TNFRSF10B: variants seen among roughly 807,000 people sequenced by gnomAD.
TNFRSF10B encodes the protein tumor necrosis factor receptor superfamily member 10B.
Under a neutral mutation model 41.4 loss-of-function variants are expected in TNFRSF10B, and 35 were observed. That is an observed-to-expected ratio of 0.85 (90% confidence interval 0.65 to 1.12). The LOEUF is 1.12. Among genes scored for constraint, TNFRSF10B ranks in the 50% most tolerant of loss-of-function variants. The pLI is 0.00. For synonymous variants in TNFRSF10B, 230 were observed against 215.5 expected (o/e 1.07, Z -0.59); for missense variants, 584 against 552.7 (o/e 1.06, Z -0.57).
intron 1 of TNFRSF10B, among the ~76,000 whole-genome samples, chr8:23,057,149 C>G (rs746540918): frequency 2.7e-5 from 4 of 150,734 alleles, no homozygotes; most frequent in Non-Finnish European, 5.9e-5. Context: ...ATGCCATTCT[C>G]CTGCCTCAGC....
Position 23,043,191 on chromosome 8 carries a change from C to T in TNFRSF10B, c.197G>A (p.Arg66Lys). 1 of 1,614,144 alleles carries T rather than the reference C, an allele frequency of 6.2e-7. No individual in the cohort carries two copies. Among genetic ancestry groups the T allele is most frequent in the Non-Finnish European group, 8.5e-7 (1 of 1,180,020 alleles). Residue 66 changes from arginine (R) to lysine (K), a missense_variant, in exon 2 of 9, where the codon AGA (arginine) becomes AAA (lysine). Coordinates refer to ENST00000276431, the MANE Select transcript of TNFRSF10B (RefSeq NM_003842.5). Reference protein sequence around the residue: ...ITQQDLAPQQRAAPQQKRSSP... With the variant: ...ITQQDLAPQQKAAPQQKRSSP... ...GGACCTCTTTTGTTGTGGGGCCGCT[C>T]TCTGCTGGGGAGCTAGGTCTTGTTG...
chr8:23,055,521 T>TTAAAAAAAAAAAAAA (rs1554510887), intron 1 of TNFRSF10B, among the ~76,000 whole-genome samples: 2 of 120,548 alleles, frequency 1.7e-5, no homozygotes, highest in African/African-American at 6.1e-5. Flanking sequence ...ATTAAATGCT[T>TTAAAAAAAAAAAAAA]AAAAAAAAAA....
Position 23,024,318 on chromosome 8 carries a change from T to C in TNFRSF10B, c.937-58A>G, listed in dbSNP as rs564378221. On this transcript the variant is annotated intron_variant, in intron 7 of 8. Coordinates refer to ENST00000276431, the MANE Select transcript of TNFRSF10B (RefSeq NM_003842.5). ...AGCCAGGAGTCCTACAGTCCAGTAC[T>C]GACCCCGACCACCAGCCAGCTCTGA... The C allele has an allele frequency of 5.7e-5, 92 of 1,601,554 alleles. 2 individuals are homozygous for C. The highest frequency in any genetic ancestry group is 6.8e-6 in the Non-Finnish European group (8 of 1,169,208).
chr8:23,031,487 G>A (rs1250230383), intron 2 of TNFRSF10B, among the ~76,000 whole-genome samples: 8 of 151,696 alleles, frequency 5.3e-5, no homozygotes, highest in East Asian at 3.9e-4. Context: ...TCGACCTCCC[G>A]GACCCTCCCT....
chr8:23,045,451 C>A (rs1812331672), intron 1 of TNFRSF10B, among the ~76,000 whole-genome samples: 1 of 152,094 alleles, frequency 6.6e-6, no homozygotes, highest in Non-Finnish European at 1.5e-5. Context: ...GAAAAGTCTC[C>A]TATCAAAGAA....
intron 2 of TNFRSF10B, among the ~76,000 whole-genome samples, chr8:23,041,254 G>A (rs1033502659): frequency 2.0e-5 from 3 of 151,982 alleles, no homozygotes; most frequent in East Asian, 1.9e-4. Flanking sequence ...ACAGGGTTTC[G>A]CCATGTTGGT....
chr8:23,052,063 C>G (rs1445042929), intron 1 of TNFRSF10B, among the ~76,000 whole-genome samples: 2 of 152,032 alleles, frequency 1.3e-5, no homozygotes, highest in African/African-American at 4.8e-5. Flanking sequence ...GGTTTCCTAA[C>G]TTTAATGACA....
At chr8:23,045,102 C>T (rs1812320952) in intron 1 of TNFRSF10B, among the ~76,000 whole-genome samples, 1 of 144,080 alleles carries the variant, frequency 6.9e-6, no homozygotes, top group Non-Finnish European at 1.5e-5. Context: ...TGGAGGTGTG[C>T]ATCTGTAATC....
At chr8:23,043,679 A>T (rs1363915287) in intron 1 of TNFRSF10B, among the ~76,000 whole-genome samples, 1 of 152,182 alleles carries the variant, frequency 6.6e-6, no homozygotes, top group Non-Finnish European at 1.5e-5. Flanking sequence ...AATATAGCAA[A>T]CTTAAAAAAT....
intron 1 of TNFRSF10B, among the ~76,000 whole-genome samples, chr8:23,057,400 G>A (rs1812702040): frequency 6.7e-6 from 1 of 148,174 alleles, no homozygotes; most frequent in African/African-American, 2.5e-5. Flanking sequence ...GCTTAGAACA[G>A]TGTATTATAA....
chr8:23,049,395 C>G (rs1812455304), intron 1 of TNFRSF10B, among the ~76,000 whole-genome samples: 1 of 151,996 alleles, frequency 6.6e-6, no homozygotes, highest in Non-Finnish European at 1.5e-5. Context: ...GAAGAAACTC[C>G]CCAGGCCTCC....
At chr8:23,053,910 C>T (rs916400046) in intron 1 of TNFRSF10B, among the ~76,000 whole-genome samples, 2 of 152,040 alleles carry the variant, frequency 1.3e-5, no homozygotes, top group African/African-American at 4.8e-5. Flanking sequence ...TGGAAGACTC[C>T]TATAATTCTG....
intron 4 of TNFRSF10B, 152 bp downstream of exon 4, chr8:23,029,458 A>AGG (rs1457776077): frequency 2.7e-6 from 2 of 731,168 alleles, no homozygotes; most frequent in Non-Finnish European, 2.4e-6. Context: ...TGCAGGGGGC[A>AGG]GGGGTGGTGA....
At chr8:23,051,592 T>C (rs964851592) in intron 1 of TNFRSF10B, among the ~76,000 whole-genome samples, 1 of 151,930 alleles carries the variant, frequency 6.6e-6, no homozygotes, top group Non-Finnish European at 1.5e-5. Context: ...TCGCCCAGGC[T>C]GGAATGCAGT....
intron 1 of TNFRSF10B, among the ~76,000 whole-genome samples, chr8:23,055,555 C>G (rs1787577296): frequency 1.5e-5 from 2 of 136,690 alleles, no homozygotes; most frequent in African/African-American, 5.4e-5. Flanking sequence ...TGCCCTTATA[C>G]AAAGGCTGGA....
At chr8:23,043,061 G>T (rs1812253157) in intron 2 of TNFRSF10B, 77 bp downstream of exon 2, 4 of 1,373,368 alleles carry the variant, frequency 2.9e-6, no homozygotes, top group Non-Finnish European at 4.1e-6. Flanking sequence ...GAACAAGGAA[G>T]TGCAAAGGAA....
chr8:23,039,424 G>C (rs1812109335), intron 2 of TNFRSF10B, among the ~76,000 whole-genome samples: 1 of 152,136 alleles, frequency 6.6e-6, no homozygotes, highest in Non-Finnish European at 1.5e-5. Context: ...CAGGTCTGAA[G>C]GCTGCCTGCT....
rs780334540 is a variant in TNFRSF10B, at chr8:23,022,425, C to T, written c.*246G>A. On this transcript the variant is annotated 3_prime_UTR_variant, in exon 9 of 9. Transcript: ENST00000276431. ...ATCCCAAACCAAATCTCAAAGTACG[C>T]ACAAACGGAATGATCCAGACATTTC... The T allele has an allele frequency of 1.6e-6, 1 of 635,564 alleles. No individual in the cohort carries two copies. The highest frequency in any genetic ancestry group is 1.5e-5 in the South Asian group (1 of 66,102). 39.4% of individuals were successfully genotyped at this position (635,564 alleles called of 1,614,324 possible).
chr8:23,034,369 T>C (rs773795608), intron 2 of TNFRSF10B, among the ~76,000 whole-genome samples: 15 of 152,186 alleles, frequency 9.9e-5, no homozygotes, highest in Non-Finnish European at 1.6e-4. Context: ...GTGAAGACTA[T>C]TATGGTGGAA....
Sources: allele counts gnomAD v4.1 joint callset (sites outside exome capture counted in the v4.1 genomes callset), GRCh38; gene constraint gnomAD v4.1.1; transcripts MANE v1.5; gene names NCBI Gene and HGNC (gene_info 2026-07-23, HGNC 2026-07-21).